The following DRC11 variants were observed in gnomAD, a reference collection of about 807,000 sequenced individuals.
DRC11 encodes the protein dynein regulatory complex subunit 11.
chr2:236,371,370 G>C, the DRC11 span, among the ~76,000 whole-genome samples: 1 of 152,094 alleles, frequency 6.6e-6, no homozygotes, highest in African/African-American at 2.4e-5. This position sits in a 1 kb window ranked among gnomAD's most constrained non-coding sequence, Gnocchi z 5.1. Flanking sequence ...AGGGTGCCTG[G>C]GTCCTCATCT....
At chr2:236,310,202 T>C in the DRC11 span, among the ~76,000 whole-genome samples, 1 of 152,174 alleles carries the variant, frequency 6.6e-6, no homozygotes, top group African/African-American at 2.4e-5. The surrounding 1 kb of genome is among the most constrained non-coding windows in gnomAD (Gnocchi z 5.5). Context: ...GGGAAAGATC[T>C]ACACTCCTCC....
At chr2:236,440,919 T>G in the DRC11 span, 3 of 642,566 alleles carry the variant, frequency 4.7e-6, no homozygotes, top group Non-Finnish European at 8.2e-6. Flanking sequence ...CAAAAGTATT[T>G]CCATGTAAAT....
chr2:236,306,873 T>G, the DRC11 span, among the ~76,000 whole-genome samples: 9 of 152,174 alleles, frequency 5.9e-5, no homozygotes, highest in East Asian at 1.7e-3. The surrounding 1 kb of genome is among the most constrained non-coding windows in gnomAD (Gnocchi z 5.9). Flanking sequence ...CAGCCTTAAC[T>G]TGCTAATATT....
the DRC11 span, among the ~76,000 whole-genome samples, chr2:236,453,260 T>C: frequency 6.6e-6 from 1 of 152,222 alleles, no homozygotes; most frequent in Non-Finnish European, 1.5e-5. The surrounding 1 kb of genome is among the most constrained non-coding windows in gnomAD (Gnocchi z 4.9). Flanking sequence ...AAAGAAGTAA[T>C]CTTTTACAAG....
At chr2:236,493,429 TA>T in the DRC11 span, among the ~76,000 whole-genome samples, 5 of 152,164 alleles carry the variant, frequency 3.3e-5, no homozygotes, top group African/African-American at 1.2e-4. Flanking sequence ...TGTCAGCACT[TA>T]ATTATTTTAC....
At chr2:236,442,853 C>G in the DRC11 span, among the ~76,000 whole-genome samples, 1 of 152,106 alleles carries the variant, frequency 6.6e-6, no homozygotes. Flanking sequence ...CTGTTGTTGA[C>G]GGTTTGTTCT....
At chr2:236,504,177 C>T in the DRC11 span, among the ~76,000 whole-genome samples, 11 of 147,146 alleles carry the variant, frequency 7.5e-5, no homozygotes, top group South Asian at 2.1e-3. This position sits in a 1 kb window ranked among gnomAD's most constrained non-coding sequence, Gnocchi z 5.0. Context: ...GGACACTTCA[C>T]AGAAGTGAAA....
chr2:236,484,602 T>C, the DRC11 span, among the ~76,000 whole-genome samples: 1 of 146,774 alleles, frequency 6.8e-6, no homozygotes, highest in South Asian at 2.1e-4. Flanking sequence ...ATTCTTGGCT[T>C]TTTTTTTTTT....
the DRC11 span, chr2:236,332,646 A>G: frequency 1.3e-5 from 2 of 152,250 alleles, no homozygotes; most frequent in Non-Finnish European, 2.9e-5. The surrounding 1 kb of genome is among the most constrained non-coding windows in gnomAD (Gnocchi z 5.1). Context: ...AAATGACTAC[A>G]TCACACAAGT....
chr2:236,408,571 A>T, the DRC11 span: 7 of 727,800 alleles, frequency 9.6e-6, no homozygotes, highest in African/African-American at 6.9e-5. This position sits in a 1 kb window ranked among gnomAD's most constrained non-coding sequence, Gnocchi z 5.5. Context: ...AAGCAGGTAT[A>T]TGTGGGTGTG....
the DRC11 span, among the ~76,000 whole-genome samples, chr2:236,474,539 A>G: frequency 6.6e-6 from 1 of 152,216 alleles, no homozygotes; most frequent in African/African-American, 2.4e-5. Flanking sequence ...GAAGTTGTTG[A>G]ATCCCAACTG....
At chr2:236,371,979 T>A in the DRC11 span, among the ~76,000 whole-genome samples, 2 of 152,214 alleles carry the variant, frequency 1.3e-5, no homozygotes, top group African/African-American at 4.8e-5. This position sits in a 1 kb window ranked among gnomAD's most constrained non-coding sequence, Gnocchi z 5.1. Flanking sequence ...GAATGTCTTC[T>A]TGATCAATCT....
the DRC11 span, among the ~76,000 whole-genome samples, chr2:236,413,946 G>A: frequency 1.3e-4 from 20 of 152,324 alleles, no homozygotes; most frequent in African/African-American, 4.6e-4. The surrounding 1 kb of genome is among the most constrained non-coding windows in gnomAD (Gnocchi z 4.0). Context: ...GGTATTGAAA[G>A]CACCTTTGCA....
the DRC11 span, chr2:236,332,405 G>C: frequency 6.6e-6 from 1 of 152,334 alleles, no homozygotes; most frequent in East Asian, 1.9e-4. The surrounding 1 kb of genome is among the most constrained non-coding windows in gnomAD (Gnocchi z 5.1). Context: ...GAGCACAAGG[G>C]AAGTAAAGGA....
the DRC11 span, among the ~76,000 whole-genome samples, chr2:236,363,520 G>C: frequency 6.6e-6 from 1 of 152,202 alleles, no homozygotes; most frequent in Non-Finnish European, 1.5e-5. This position sits in a 1 kb window ranked among gnomAD's most constrained non-coding sequence, Gnocchi z 5.6. Flanking sequence ...TTTTCAATGA[G>C]ACATGAAAGC....
chr2:236,460,899 C>T, the DRC11 span, among the ~76,000 whole-genome samples: 2 of 152,170 alleles, frequency 1.3e-5, no homozygotes, highest in African/African-American at 2.4e-5. This position sits in a 1 kb window ranked among gnomAD's most constrained non-coding sequence, Gnocchi z 4.0. Context: ...GGATTACAGG[C>T]GTCCGCCACC....
the DRC11 span, among the ~76,000 whole-genome samples, chr2:236,442,994 C>G: frequency 1.3e-5 from 2 of 152,244 alleles, no homozygotes; most frequent in African/African-American, 4.8e-5. Context: ...TGAGCCTTAA[C>G]CCCCTCACAG....
At chr2:236,316,725 C>T in the DRC11 span, among the ~76,000 whole-genome samples, 13 of 152,098 alleles carry the variant, frequency 8.5e-5, no homozygotes, top group South Asian at 2.1e-4. The surrounding 1 kb of genome is among the most constrained non-coding windows in gnomAD (Gnocchi z 6.8). Context: ...TTGTGAGATA[C>T]GACACACTCC....
At chr2:236,357,054 C>CATATA in the DRC11 span, among the ~76,000 whole-genome samples, 1 of 77,952 alleles carries the variant, frequency 1.3e-5, no homozygotes. Flanking sequence ...TATTATATAT[C>CATATA]TATTTATATA....
Sources: allele counts gnomAD v4.1 joint callset (sites outside exome capture counted in the v4.1 genomes callset), GRCh38; gene constraint gnomAD v4.1.1; non-coding constraint Gnocchi (gnomAD v3.1); transcripts MANE v1.5; gene names NCBI Gene and HGNC (gene_info 2026-07-23, HGNC 2026-07-21).